Variants in ADAM12 observed in about 807,000 individuals in gnomAD.
ADAM12 encodes the protein ADAM metallopeptidase domain 12.
A neutral mutation model predicts 106.4 loss-of-function variants in ADAM12; 70 were observed. The observed-to-expected ratio is 0.66, with a 90% CI of 0.54 to 0.80. ADAM12 has a LOEUF of 0.80. Among genes scored for constraint, ADAM12 ranks in the 30% least tolerant of loss-of-function variants. The pLI, the probability that ADAM12 is intolerant of heterozygous loss-of-function variation, is 0.00. For missense variants in ADAM12, 1,010 were observed against 1,171.9 expected (o/e 0.86, Z 2.02); for synonymous variants, 420 against 433.5 (o/e 0.97, Z 0.39).
At chr10:126,037,193 T>TCCATTGTGCAAATATA (rs1469207036) in intron 20 of ADAM12, among the ~76,000 whole-genome samples, 1 of 152,130 alleles carries the variant, frequency 6.6e-6, no homozygotes, top group Non-Finnish European at 1.5e-5. Flanking sequence ...AATGGTTCAT[T>TCCATTGTGCAAATATA]CCATTGTGCA....
At chr10:126,227,173 AATCACCAT>A (rs1257083283) in intron 3 of ADAM12, among the ~76,000 whole-genome samples, 1 of 151,926 alleles carries the variant, frequency 6.6e-6, no homozygotes, top group Non-Finnish European at 1.5e-5. Context: ...CCATGATCAT[AATCACCAT>A]ATCACCATTA....
At chr10:126,107,091 A>G (rs1195891550) in intron 8 of ADAM12, among the ~76,000 whole-genome samples, 1 of 152,122 alleles carries the variant, frequency 6.6e-6, no homozygotes, top group Non-Finnish European at 1.5e-5. Flanking sequence ...CAGGGCACAC[A>G]CACGTATGAA....
chr10:126,046,560 T>C (rs1954325711), intron 16 of ADAM12, among the ~76,000 whole-genome samples: 1 of 151,734 alleles, frequency 6.6e-6, no homozygotes, highest in Non-Finnish European at 1.5e-5. Context: ...ATACCAGCAC[T>C]TTGGGAGGCC....
chr10:126,101,106 G>A lies in ADAM12; in HGVS notation c.877C>T (p.Pro293Ser), dbSNP rs761882756. The stretch of plus-strand genomic sequence containing the variant: ...TGCGCATTGTCATGGGATTTGCGAG[G>A]TAGAAGCTTCATCTTCCTCCAGTCC... ...FLDWRKMKLL[P>S]RKSHDNAQLV... The change falls in exon 9 of 23, where the codon CCT (proline) becomes TCT (serine). Residue 293 changes from proline to serine, a missense_variant. Around this residue, in one of 3 missense-constraint regions of ADAM12, gnomAD observed 391 missense variants for 442.9 expected, o/e 0.88. Coordinates refer to ENST00000448723, the MANE Select transcript of ADAM12 (RefSeq NM_001288973.2). The A allele has an allele frequency of 2.5e-6, 4 of 1,613,960 alleles. No individual in the cohort carries two copies. The highest frequency in any genetic ancestry group is 3.4e-6 in the Non-Finnish European group (4 of 1,179,906).
At chr10:126,228,659 G>A (rs1958247405) in intron 3 of ADAM12, among the ~76,000 whole-genome samples, 1 of 152,086 alleles carries the variant, frequency 6.6e-6, no homozygotes, top group Admixed American at 6.5e-5. Context: ...ACACTTTGTT[G>A]CACATTTTTG....
At chr10:126,272,392 T>A (rs551112112) in intron 3 of ADAM12, among the ~76,000 whole-genome samples, 1 of 152,328 alleles carries the variant, frequency 6.6e-6, no homozygotes, top group African/African-American at 2.4e-5. Context: ...CAACATGACC[T>A]CTGACATCAG....
chr10:126,124,427 A>C (rs773526218), intron 5 of ADAM12, among the ~76,000 whole-genome samples: 5 of 152,112 alleles, frequency 3.3e-5, no homozygotes, highest in Non-Finnish European at 7.3e-5. Flanking sequence ...TGAACTACTC[A>C]GGTACAGTCA....
At chr10:126,314,574 G>T (rs539856438) in intron 2 of ADAM12, among the ~76,000 whole-genome samples, 1 of 152,072 alleles carries the variant, frequency 6.6e-6, no homozygotes, top group Non-Finnish European at 1.5e-5. Flanking sequence ...GACATTTTCA[G>T]GAAAAGAAGA....
At chr10:126,184,112 T>C (rs1023116626) in intron 3 of ADAM12, among the ~76,000 whole-genome samples, 2 of 152,200 alleles carry the variant, frequency 1.3e-5, no homozygotes, top group Non-Finnish European at 2.9e-5. Context: ...CTGTGTCCCA[T>C]TGAAAGCAGA....
intron 3 of ADAM12, among the ~76,000 whole-genome samples, chr10:126,184,878 A>AGTC (rs1957373144): frequency 6.6e-6 from 1 of 152,006 alleles, no homozygotes; most frequent in African/African-American, 2.4e-5. Flanking sequence ...TTTCTTCGGG[A>AGTC]CTCCATGAGG....
rs1953678643 is a variant in ADAM12, at chr10:126,017,334, G to A, written c.2666C>T (p.Ala889Val). The change falls in exon 23 of 23, where the codon GCT becomes GTT. Residue 889 changes from alanine (A) to valine (V), a missense_variant. By Grantham distance (64) the Ala-to-Val change is moderately conservative. Transcript: ENST00000448723. ...GGGCACTTGGTGTGGATATTGTGGA[G>A]CAGGTCTGAATGAAGAGAGGAGAAA... ...TGLRLAPLRP[A>V]PQYPHQVPRS... 6.3e-7 allele frequency: 1 copy of A among 1,584,380 alleles called. No homozygotes were observed. Among genetic ancestry groups the A allele is most frequent in the East Asian group, 2.3e-5 (1 of 44,092 alleles).
chr10:126,105,547 T>G lies in ADAM12; in HGVS notation c.741+3046A>C, dbSNP rs533640141. ...CAGTGCGTCTCAGTCCCACTTCATG[T>G]TAGGATAACTGGAGGACCCTGGAGA... On this transcript the variant is annotated intron_variant, in intron 8 of 22. Coordinates refer to ENST00000448723, the MANE Select transcript of ADAM12 (RefSeq NM_001288973.2). Among the ~76,000 whole-genome samples, 38 of 152,320 alleles carry G rather than the reference T, an allele frequency of 2.5e-4. 2 individuals carry two copies. The highest frequency in any genetic ancestry group is 2.2e-3 in the Admixed American group (34 of 15,298).
rs568970194 is a variant in ADAM12, at chr10:126,215,134, C to T, written c.261-59829G>A. 1.4e-4 allele frequency among the ~76,000 whole-genome samples: 21 copies of T among 152,340 alleles called. No individual in the cohort carries two copies. In the East Asian group the frequency reaches 4.1e-3, roughly 29 times the overall value. On this transcript the variant is annotated intron_variant, in intron 3 of 22. Transcript: ENST00000448723. The stretch of plus-strand genomic sequence containing the variant: ...CCACACTTCCTGCTCACATCTGTGA[C>T]TTCTGTGAGGGGCACTCAGCTGTGG...
At chr10:126,108,245 T>C (rs182896150) in intron 8 of ADAM12, among the ~76,000 whole-genome samples, 182 of 152,256 alleles carry the variant, frequency 1.2e-3, no homozygotes, top group African/African-American at 4.2e-3. Flanking sequence ...TCGGGAGACC[T>C]GGGAGAGGCC....
intron 2 of ADAM12, among the ~76,000 whole-genome samples, chr10:126,285,317 AAT>A (rs150961895): frequency 6.6e-6 from 1 of 152,364 alleles, no homozygotes; most frequent in African/African-American, 2.4e-5. Flanking sequence ...GTCATAAGAA[AAT>A]ATCTTTTTAA....
At chr10:126,129,943 T>C (rs1956273876) in intron 5 of ADAM12, among the ~76,000 whole-genome samples, 1 of 152,230 alleles carries the variant, frequency 6.6e-6, no homozygotes, top group South Asian at 2.1e-4. Context: ...CCTTCTTCTA[T>C]GTTCTAGAAC....
At chr10:126,131,979 G>GTTTTTT (rs200265672) in intron 5 of ADAM12, among the ~76,000 whole-genome samples, 1 of 141,934 alleles carries the variant, frequency 7.0e-6, no homozygotes, top group Non-Finnish European at 1.5e-5. Flanking sequence ...TTGAATTCGT[G>GTTTTTT]TTTTTTTTTT....
rs562103075 is a variant in ADAM12, at chr10:126,333,695, C to T, written c.89-3186G>A. Among the ~76,000 whole-genome samples the T allele has an allele frequency of 2.0e-4, 31 of 152,304 alleles. 1 individual carries two copies. The South Asian group carries it at 5.4e-3, about 26-fold the overall frequency. Reference sequence around the variant, plus strand: ...CTGTTTCTTCCAAGGCTCTTAGTGGCTGAGAAAGACACAGTTATTTAGTTT... The same window carrying T: ...CTGTTTCTTCCAAGGCTCTTAGTGGTTGAGAAAGACACAGTTATTTAGTTT... On this transcript the variant is annotated intron_variant, in intron 1 of 22. Coordinates refer to ENST00000448723, the MANE Select transcript of ADAM12 (RefSeq NM_001288973.2).
chr10:126,071,438 C>A, intron 12 of ADAM12, 39 bp downstream of exon 12: 1 of 1,606,376 alleles, frequency 6.2e-7, no homozygotes. Context: ...GCCGAGGATA[C>A]AAGTCTTCTT....
Sources: allele counts gnomAD v4.1 joint callset (sites outside exome capture counted in the v4.1 genomes callset), GRCh38; gene constraint gnomAD v4.1.1; regional missense constraint gnomAD v4.1.1; transcripts MANE v1.5; gene names NCBI Gene and HGNC (gene_info 2026-07-23, HGNC 2026-07-21).